Variants in CDC45 observed in about 807,000 individuals in gnomAD.
CDC45 encodes cell division control protein 45 homolog.
Under a neutral mutation model 77.8 loss-of-function variants are expected in CDC45, and 54 were observed. That is an observed-to-expected ratio of 0.69 (90% CI 0.56 to 0.87). The LOEUF is 0.87. CDC45 is among the 40% of genes least tolerant of loss of function. The pLI is 0.00. For synonymous variants in CDC45, 260 were observed against 272.1 expected, an observed-to-expected ratio of 0.96 and a Z score of 0.44; for missense variants, 649 against 721.6, an observed-to-expected ratio of 0.90 and a Z score of 1.15.
At chr22:19,517,667 C>T (rs918723858) in intron 17 of CDC45, among the ~76,000 whole-genome samples, 4 of 152,150 alleles carry the variant, frequency 2.6e-5, no homozygotes, top group African/African-American at 9.7e-5. Context: ...CTCCTTGGCT[C>T]ACACAGATGA....
intron 5 of CDC45, among the ~76,000 whole-genome samples, chr22:19,486,506 C>G (rs1457734176): frequency 2.0e-5 from 3 of 152,038 alleles, no homozygotes; most frequent in Non-Finnish European, 4.4e-5. Flanking sequence ...CTAATATTTA[C>G]TACTACTTGT....
intron 8 of CDC45, among the ~76,000 whole-genome samples, chr22:19,497,770 C>G (rs911496916): frequency 6.6e-6 from 1 of 152,104 alleles, no homozygotes; most frequent in Non-Finnish European, 1.5e-5. Context: ...AAGGAGGCAG[C>G]CTTTGCAGTG....
chr22:19,505,593 TGGGGCAGGA>T (rs776477063), intron 10 of CDC45, 112 bp downstream of exon 10: 13 of 1,266,064 alleles, frequency 1.0e-5, no homozygotes, highest in Non-Finnish European at 1.3e-5. Flanking sequence ...GGAAAGCAGG[TGGGGCAGGA>T]AGTTTTGGGG....
At chr22:19,498,526 G>T (rs867690425) in intron 8 of CDC45, among the ~76,000 whole-genome samples, 8 of 152,362 alleles carry the variant, frequency 5.3e-5, no homozygotes, top group Non-Finnish European at 1.0e-4. Context: ...TGGGTCTCAG[G>T]TAAAAGATGA....
intron 5 of CDC45, among the ~76,000 whole-genome samples, chr22:19,485,775 C>T (rs1481868117): frequency 6.6e-6 from 1 of 152,060 alleles, no homozygotes; most frequent in African/African-American, 2.4e-5. Context: ...CAGTGAATAT[C>T]CATGTACCTT....
chr22:19,489,677 C>T (rs966817677), intron 5 of CDC45, among the ~76,000 whole-genome samples: 2 of 152,096 alleles, frequency 1.3e-5, no homozygotes, highest in African/African-American at 2.4e-5. Context: ...ATTATTTCTG[C>T]GTGCTAGCCA....
chr22:19,519,459 G>A (rs1188740450), intron 18 of CDC45, among the ~76,000 whole-genome samples: 1 of 152,204 alleles, frequency 6.6e-6, no homozygotes, highest in Admixed American at 6.5e-5. Flanking sequence ...ACTGTCCCGG[G>A]ACACCTCCCA....
At chr22:19,512,645 C>T (rs1048940149) in intron 13 of CDC45, among the ~76,000 whole-genome samples, 1 of 152,220 alleles carries the variant, frequency 6.6e-6, no homozygotes, top group Non-Finnish European at 1.5e-5. Flanking sequence ...ATTTATCCCA[C>T]TCTTGTCCAC....
At chr22:19,490,175 T>C (rs1020887079) in intron 5 of CDC45, among the ~76,000 whole-genome samples, 13 of 152,218 alleles carry the variant, frequency 8.5e-5, no homozygotes, top group Non-Finnish European at 1.6e-4. Context: ...ACATTTGTAG[T>C]GAATTTTTTA....
intron 13 of CDC45, among the ~76,000 whole-genome samples, chr22:19,511,455 T>C (rs548186144): frequency 6.6e-6 from 1 of 151,266 alleles, no homozygotes; most frequent in Non-Finnish European, 1.5e-5. Flanking sequence ...CTCAGCCTCC[T>C]GAATAGGTGG....
chr22:19,496,256 T>C (rs567200722), intron 7 of CDC45, among the ~76,000 whole-genome samples: 4 of 152,358 alleles, frequency 2.6e-5, no homozygotes, highest in African/African-American at 9.6e-5. Context: ...ATTATTAAAA[T>C]GGTCGTTTGC....
At chr22:19,507,745 G>T in intron 11 of CDC45, 21 bp from the exon 12 acceptor site, 2 of 1,566,620 alleles carry the variant, frequency 1.3e-6, no homozygotes, top group Admixed American at 3.9e-5. Context: ...CACTCATGTG[G>T]CTTGGGCTTG....
chr22:19,505,380 T>C lies in CDC45; in HGVS notation c.723T>C (p.Asp241=). The C allele has an allele frequency of 1.9e-6, 3 of 1,613,818 alleles. No homozygotes were observed. Among genetic ancestry groups the C allele is most frequent in the Non-Finnish European group, 2.5e-6 (3 of 1,179,934 alleles). ...TTTCCAGAATGAAATACGTGACTGA[T>C]GTTGGTGTCCTGCAGCGCCACGTTT... ...DKITQMKYVT[D]VGVLQRHVSR... is the part of the protein sequence containing the mutation. Residue 241 remains aspartate (D), a synonymous_variant, in exon 10 of 19, where the codon GAT becomes GAC. Transcript: ENST00000263201.
At chr22:19,515,169 C>T (rs1933715701) in intron 15 of CDC45, 121 bp downstream of exon 15, 1 of 807,088 alleles carries the variant, frequency 1.2e-6, no homozygotes, top group Non-Finnish European at 1.9e-6. Context: ...AAGGTCTAGG[C>T]ACATCCATTA....
At chr22:19,484,502 G>A (rs929087879) in intron 5 of CDC45, among the ~76,000 whole-genome samples, 1 of 152,166 alleles carries the variant, frequency 6.6e-6, no homozygotes, top group African/African-American at 2.4e-5. Flanking sequence ...GTGATCTGGG[G>A]CTGGGCCCAG....
chr22:19,505,881 C>T (rs2146407219), intron 10 of CDC45, among the ~76,000 whole-genome samples: 1 of 152,280 alleles, frequency 6.6e-6, no homozygotes, highest in Middle Eastern at 3.4e-3. Flanking sequence ...GAGACCACAT[C>T]TCACACAGTC....
intron 3 of CDC45, 151 bp downstream of exon 3, chr22:19,481,196 G>T: frequency 1.8e-6 from 1 of 542,368 alleles, no homozygotes; most frequent in Non-Finnish European, 3.2e-6. Flanking sequence ...ATTTACTGGT[G>T]ACTTACCACG....
intron 3 of CDC45, 33 bp from the exon 4 acceptor site, chr22:19,482,657 A>G (rs1261004946): frequency 2.5e-6 from 4 of 1,607,812 alleles, no homozygotes; most frequent in African/African-American, 2.7e-5. Context: ...CCTCCTCGAT[A>G]TAGCTACTTT....
In CDC45 at chr22:19,487,279, A is replaced by G. The variant is rs187861820; in HGVS notation, c.486+3274A>G. 4.6e-3 allele frequency among the ~76,000 whole-genome samples: 696 copies of G among 149,834 alleles called. 3 individuals carry two copies. The highest frequency in any genetic ancestry group is 0.01 in the Middle Eastern group (3 of 292). On this transcript the variant is annotated intron_variant, in intron 5 of 18. Coordinates refer to ENST00000263201, the MANE Select transcript of CDC45 (RefSeq NM_003504.5). ...TGCACTCCAGCCTGGGCGACAGAGC[A>G]ATACTCTTGTCTCAAAAAAAAAAAA... is the stretch of plus-strand genomic sequence containing the variant.
Sources: allele counts gnomAD v4.1 joint callset (sites outside exome capture counted in the v4.1 genomes callset), GRCh38; gene constraint gnomAD v4.1.1; transcripts MANE v1.5; gene names NCBI Gene and HGNC (gene_info 2026-07-23, HGNC 2026-07-21).